The following SLC5A10 variants were observed in gnomAD, a reference collection of about 807,000 sequenced individuals.
SLC5A10 encodes the protein solute carrier family 5 member 10, also known as sodium/mannose cotransporter SLC5A10.
SLC5A10 carries 55 observed loss-of-function variants against 68.9 expected under a neutral mutation model. The ratio of observed to expected loss-of-function variants is 0.80; its 90% CI spans 0.64 to 1.00. The LOEUF is 1.00. Among genes scored for constraint, SLC5A10 ranks in the 50% least tolerant of loss-of-function variants. The probability of loss-of-function intolerance (pLI) is 0.00; values close to 1 mark genes in which losing one functional copy is unlikely to be tolerated. For synonymous variants in SLC5A10, 344 were observed against 344.8 expected, an observed-to-expected ratio of 1.00 and a Z score of 0.02; for missense variants, 732 against 819.3, an observed-to-expected ratio of 0.89 and a Z score of 1.30.
At chr17:18,994,902 G>A (rs2043524803) in intron 9 of SLC5A10, among the ~76,000 whole-genome samples, 1 of 152,214 alleles carries the variant, frequency 6.6e-6, no homozygotes, top group Admixed American at 6.5e-5. Flanking sequence ...CTGGCAAGAG[G>A]CTTCCTTTGG....
chr17:18,975,002 T>TG (rs2042944248), intron 8 of SLC5A10, among the ~76,000 whole-genome samples: 1 of 152,186 alleles, frequency 6.6e-6, no homozygotes. Flanking sequence ...ATGGAAACTC[T>TG]GAGCCTCAGC....
intron 8 of SLC5A10, chr17:18,975,762 CG>C (rs1265595638): frequency 6.6e-6 from 1 of 152,044 alleles, no homozygotes; most frequent in Non-Finnish European, 1.5e-5. Flanking sequence ...ACTGTGGAAC[CG>C]CAAAGGAAAA....
intron 9 of SLC5A10, among the ~76,000 whole-genome samples, chr17:18,980,849 G>A (rs2043113166): frequency 6.6e-6 from 1 of 152,136 alleles, no homozygotes; most frequent in Non-Finnish European, 1.5e-5. Context: ...GTCAGGCAGG[G>A]AATCTCAGTT....
intron 1 of SLC5A10, chr17:18,952,545 A>C: frequency 2.0e-6 from 1 of 492,038 alleles, no homozygotes; most frequent in Non-Finnish European, 3.6e-6. Flanking sequence ...GGAGGAGGAA[A>C]TTCTCTCTAA....
At chr17:18,951,981 C>T (rs916621057), upstream of SLC5A10, 2 of 555,502 alleles carry the variant, frequency 3.6e-6, no homozygotes, top group East Asian at 3.7e-5. Context: ...CTTGCTTCTC[C>T]CAGGCTCCCT....
At position 18,971,576 on chromosome 17, in the gene SLC5A10, G is replaced by T. The variant is rs1416006247; in HGVS notation, c.846+358G>T. On this transcript the variant is annotated intron_variant, in intron 8 of 14. Coordinates refer to ENST00000395645, the MANE Select transcript of SLC5A10 (RefSeq NM_001042450.4). This position sits in a 1 kb window ranked among gnomAD's most constrained non-coding sequence, Gnocchi z 5.5. ...GCTGCCGGGATCCGGAAGCAGGCGGGGTACCTGACCTCCCTTGGCCTGCCA... is the reference window on the plus strand; with the variant it reads ...GCTGCCGGGATCCGGAAGCAGGCGGTGTACCTGACCTCCCTTGGCCTGCCA... The T allele has an allele frequency of 3.1e-6, 5 of 1,613,684 alleles. No individual in the cohort carries two copies. The highest frequency in any genetic ancestry group is 4.2e-6 in the Non-Finnish European group (5 of 1,180,006).
intron 10 of SLC5A10, 46 bp from the exon 11 acceptor site, chr17:19,015,003 C>T: frequency 6.3e-7 from 1 of 1,585,908 alleles, no homozygotes; most frequent in Non-Finnish European, 8.6e-7. Context: ...GTTCCCGGGG[C>T]TGTCTCAAGG....
chr17:18,977,717 C>T (rs1261617965), intron 9 of SLC5A10: 2 of 1,609,404 alleles, frequency 1.2e-6, no homozygotes, highest in Non-Finnish European at 1.7e-6. Context: ...ATGGGGGGCA[C>T]TCAGCTGCCG....
chr17:19,019,786 CCCCA>C lies in SLC5A10; in HGVS notation c.1487_1490del (p.Pro496ArgfsTer38). 6 of 1,613,130 alleles carry C rather than the reference CCCCA, an allele frequency of 3.7e-6. No individual in the cohort carries two copies. The highest frequency in any genetic ancestry group is 5.1e-6 in the Non-Finnish European group (6 of 1,179,800). On this transcript the variant is annotated frameshift_variant, in exon 13 of 15. Transcript: ENST00000395645. LOFTEE classifies it high-confidence loss of function. ...CTGGTCCTGGAATTCCTGAACCCAG[CCCCA>C]CCGTGCGGAGAGCCAGACACGCGGC...
At chr17:18,957,713 C>T (rs541434860) in intron 1 of SLC5A10, among the ~76,000 whole-genome samples, 180 of 152,330 alleles carry the variant, frequency 1.2e-3, no homozygotes, top group Non-Finnish European at 2.3e-3. Flanking sequence ...ATCCACCCAC[C>T]TCGGCCTCCC....
intron 9 of SLC5A10, among the ~76,000 whole-genome samples, chr17:18,988,840 C>T (rs2043336376): frequency 6.6e-6 from 1 of 152,224 alleles, no homozygotes; most frequent in African/African-American, 2.4e-5. Flanking sequence ...CAGCTGACAA[C>T]ATCTGTCCCC....
rs781569572 is a variant in SLC5A10, at chr17:18,976,960, C to T, written c.953C>T (p.Pro318Leu). ...KMLPMGLIIM[P>L]GMISRALFPD... The stretch of plus-strand genomic sequence containing the variant: ...CTCCCCATGGGCCTGATCATCATGC[C>T]GGGCATGATCAGCCGCGCATTGTTC... The change falls in exon 9 of 15, where the codon CCG (proline) becomes CTG (leucine). Residue 318 changes from proline (P) to leucine (L), a missense_variant. Pro to Leu is a moderately conservative substitution (Grantham distance 98). Transcript: ENST00000395645. 2.0e-5 allele frequency: 33 copies of T among 1,612,940 alleles called. No homozygotes were observed. The highest frequency in any genetic ancestry group is 8.0e-5 in the African/African-American group (6 of 74,886).
At chr17:19,005,368 G>C (rs1231646398) in intron 9 of SLC5A10, among the ~76,000 whole-genome samples, 1 of 151,928 alleles carries the variant, frequency 6.6e-6, no homozygotes, top group African/African-American at 2.4e-5. Flanking sequence ...GTCAGGCCCA[G>C]CTCTCTGCTG....
rs2042591720 is a variant in SLC5A10 at position 18,960,532 on chromosome 17, C to T, written c.349-16C>T. The T allele has an allele frequency of 2.8e-5, 45 of 1,611,916 alleles. No homozygotes were observed. The highest frequency in any genetic ancestry group is 3.6e-5 in the Non-Finnish European group (42 of 1,178,172). On this transcript the variant is annotated splice_polypyrimidine_tract_variant and intron_variant, in intron 4 of 14. Transcript: ENST00000395645. ...CATCTGGAGGATGCTTAGCCCCTAC[C>T]CATGTGCCTTCCCAGATCGTCACCT...
intron 9 of SLC5A10, chr17:18,978,754 G>A (rs763389541): frequency 6.2e-7 from 1 of 1,612,968 alleles, no homozygotes; most frequent in African/African-American, 1.3e-5. Flanking sequence ...GTGACATGAG[G>A]TACAGCTCCT....
chr17:18,984,209 G>A (rs1472276951), intron 9 of SLC5A10, among the ~76,000 whole-genome samples: 1 of 152,006 alleles, frequency 6.6e-6, no homozygotes, highest in African/African-American at 2.4e-5. Flanking sequence ...GGGCGTGGTG[G>A]CGGGCCCCTG....
At chr17:18,998,354 A>G (rs571067080) in intron 9 of SLC5A10, among the ~76,000 whole-genome samples, 46 of 152,346 alleles carry the variant, frequency 3.0e-4, no homozygotes, top group African/African-American at 1.1e-3. Context: ...GCAAGTGGCT[A>G]AGTGGGACCA....
chr17:18,973,884 GTTTTTTT>G (rs35778801), intron 8 of SLC5A10, among the ~76,000 whole-genome samples: 127 of 95,726 alleles, frequency 1.3e-3, no homozygotes, highest in South Asian at 1.9e-3. Context: ...TTTTTTTTAA[GTTTTTTT>G]TTTTTTTTTT....
chr17:18,953,940 T>C (rs1479163546), intron 1 of SLC5A10: 2 of 152,248 alleles, frequency 1.3e-5, no homozygotes, highest in Admixed American at 6.5e-5. Flanking sequence ...TGTGATTAAA[T>C]ATTAACTCAC....
Sources: allele counts gnomAD v4.1 joint callset (sites outside exome capture counted in the v4.1 genomes callset), GRCh38; gene constraint gnomAD v4.1.1; non-coding constraint Gnocchi (gnomAD v3.1); transcripts MANE v1.5; gene names NCBI Gene and HGNC (gene_info 2026-07-23, HGNC 2026-07-21).